Variants in PDE4D observed in about 807,000 individuals in gnomAD.
The protein encoded by PDE4D is phosphodiesterase 4D.
A neutral mutation model predicts 87.4 loss-of-function variants in PDE4D; 24 were observed. That is an observed-to-expected ratio of 0.27 (90% CI 0.20 to 0.39). The LOEUF (loss-of-function observed/expected upper bound fraction) is 0.39. Ranked by LOEUF, PDE4D falls within the 10% of genes least tolerant of loss-of-function variation. The pLI is 1.00. For synonymous variants in PDE4D, 384 were observed against 383.2 expected, an observed-to-expected ratio of 1.00 and a Z score of -0.02; for missense variants, 714 against 1,041.0, an observed-to-expected ratio of 0.69 and a Z score of 4.32.
chr5:59,774,560 G>T (rs111856281), intron 1 of PDE4D, among the ~76,000 whole-genome samples: 83 of 152,008 alleles, frequency 5.5e-4, no homozygotes, highest in East Asian at 2.1e-3. Context: ...GTTATATGGG[G>T]TTTTTTTCCT....
intron 3 of PDE4D, among the ~76,000 whole-genome samples, chr5:59,939,834 C>T (rs939547409): frequency 8.5e-5 from 13 of 152,176 alleles, no homozygotes; most frequent in East Asian, 1.9e-4. Flanking sequence ...ATGGAAGCGA[C>T]GGAAGAATTT....
At chr5:59,262,263 T>TA (rs1322021668) in intron 1 of PDE4D, among the ~76,000 whole-genome samples, 5 of 151,794 alleles carry the variant, frequency 3.3e-5, no homozygotes, top group African/African-American at 1.2e-4. Flanking sequence ...AATAAAGCAA[T>TA]AAAAAATGCA....
At chr5:60,055,311 G>A (rs1303212865) in intron 2 of PDE4D, among the ~76,000 whole-genome samples, 3 of 151,984 alleles carry the variant, frequency 2.0e-5, no homozygotes, top group Non-Finnish European at 4.4e-5. Flanking sequence ...ACTTACATAG[G>A]AGTCTTAGCC....
intron 1 of PDE4D, among the ~76,000 whole-genome samples, chr5:59,684,844 C>A (rs2150376705): frequency 6.6e-6 from 1 of 152,300 alleles, no homozygotes; most frequent in Admixed American, 6.5e-5. Flanking sequence ...TGAGGACTCC[C>A]ATATGCCTTT....
At chr5:59,944,473 C>T (rs774158248) in intron 3 of PDE4D, among the ~76,000 whole-genome samples, 66 of 152,190 alleles carry the variant, frequency 4.3e-4, no homozygotes, top group Non-Finnish European at 6.2e-4. Flanking sequence ...CCGGGGTTGA[C>T]GCCATTCTCC....
chr5:59,081,271 A>G (rs1397222660), intron 5 of PDE4D, among the ~76,000 whole-genome samples: 1 of 152,190 alleles, frequency 6.6e-6, no homozygotes, highest in East Asian at 1.9e-4. Context: ...CAAAACTATT[A>G]AGAGCAGTAA....
At chr5:59,567,115 T>C (rs139803740) in intron 1 of PDE4D, among the ~76,000 whole-genome samples, 15 of 152,332 alleles carry the variant, frequency 9.8e-5, no homozygotes, top group Non-Finnish European at 2.1e-4. Flanking sequence ...ATTGTTTTCC[T>C]TGGGACGTTC....
At chr5:60,415,613 C>T (rs112780521) in intron 1 of PDE4D, among the ~76,000 whole-genome samples, 1 of 152,238 alleles carries the variant, frequency 6.6e-6, no homozygotes, top group Admixed American at 6.5e-5. Context: ...GCAGCTGCTG[C>T]ACTCAATTTC....
At chr5:60,442,876 T>C (rs1014699958) in intron 1 of PDE4D, among the ~76,000 whole-genome samples, 9 of 152,212 alleles carry the variant, frequency 5.9e-5, no homozygotes, top group East Asian at 1.9e-4. Flanking sequence ...TCTATTAATG[T>C]TGAAGCTTTT....
At position 60,282,817 on chromosome 5, in the gene PDE4D, T is replaced by A. The variant is rs1752070605; in HGVS notation, c.-89-97130A>T. Among the ~76,000 whole-genome samples, 4 of 152,356 alleles carry A rather than the reference T, an allele frequency of 2.6e-5. No individual in the cohort carries two copies. In the South Asian group the frequency reaches 8.3e-4, roughly 32 times the overall value. Reference sequence around the variant, plus strand: ...GGAAGCATGATATTTAGTGTCCAGATATCTGGGGACTTCCCAGGCATCTTT... The same window carrying A: ...GGAAGCATGATATTTAGTGTCCAGAAATCTGGGGACTTCCCAGGCATCTTT... On this transcript the variant is annotated intron_variant, in intron 1 of 16. Transcript: ENST00000502484.
chr5:59,292,839 T>G (rs1768305216), intron 1 of PDE4D, among the ~76,000 whole-genome samples: 1 of 152,002 alleles, frequency 6.6e-6, no homozygotes, highest in Admixed American at 6.6e-5. Context: ...ACCCTGGAGG[T>G]GGGATCTGGA....
intron 3 of PDE4D, among the ~76,000 whole-genome samples, chr5:59,966,505 T>G (rs1350990682): frequency 6.6e-6 from 1 of 152,220 alleles, no homozygotes; most frequent in Non-Finnish European, 1.5e-5. Flanking sequence ...CATAATAATT[T>G]AAATGCAAAT....
chr5:58,992,809 T>TAAGTC (rs1748218172), intron 7 of PDE4D, among the ~76,000 whole-genome samples: 1 of 152,196 alleles, frequency 6.6e-6, no homozygotes, highest in Non-Finnish European at 1.5e-5. Context: ...GTTTTGAAAG[T>TAAGTC]AAGTCCAGGA....
At chr5:59,435,510 C>T (rs1009556682) in intron 1 of PDE4D, among the ~76,000 whole-genome samples, 17 of 152,242 alleles carry the variant, frequency 1.1e-4, no homozygotes, top group African/African-American at 3.6e-4. Flanking sequence ...TCCTTTTAAG[C>T]GTAATCTCTT....
chr5:59,487,402 A>G (rs1805348913), intron 1 of PDE4D, among the ~76,000 whole-genome samples: 2 of 152,198 alleles, frequency 1.3e-5, no homozygotes, highest in African/African-American at 4.8e-5. Flanking sequence ...TTAAGAGGAA[A>G]TAAGTAGGTA....
intron 5 of PDE4D, among the ~76,000 whole-genome samples, chr5:59,133,803 T>C (rs888903834): frequency 1.3e-5 from 2 of 152,172 alleles, no homozygotes; most frequent in Non-Finnish European, 2.9e-5. Context: ...ACACGTGAGA[T>C]GGACAAAGGC....
At position 59,406,407 on chromosome 5, in the gene PDE4D, C is replaced by T. The variant is rs866096938; in HGVS notation, c.456-190439G>A. 3.3e-5 allele frequency among the ~76,000 whole-genome samples: 4 copies of T among 119,730 alleles called. 1 individual carries two copies. The highest frequency in any genetic ancestry group is 5.8e-4 in the East Asian group (2 of 3,462). 78.5% of individuals were successfully genotyped at this position (119,730 alleles called of 152,430 possible). A position where few individuals can be genotyped will look rare whatever the true frequency, so the allele number is the denominator to read the frequency against. ...CCTTATCTTTCCTTCCCCCCCCCCC[C>T]CCCCATAGAGTCTTGCTCTGTCATC... is the stretch of plus-strand genomic sequence containing the variant. On this transcript the variant is annotated intron_variant, in intron 1 of 14. Transcript: ENST00000340635.
chr5:60,353,881 C>T (rs1312576703), intron 1 of PDE4D, among the ~76,000 whole-genome samples: 1 of 152,124 alleles, frequency 6.6e-6, no homozygotes, highest in Admixed American at 6.6e-5. Context: ...TTTCCATCTC[C>T]TAGAGCACAT....
chr5:59,778,242 C>T (rs1181769537), intron 1 of PDE4D, among the ~76,000 whole-genome samples: 1 of 152,142 alleles, frequency 6.6e-6, no homozygotes, highest in Non-Finnish European at 1.5e-5. Flanking sequence ...AGATTCACTA[C>T]CACACTATTG....
Sources: gnomAD v4.1 joint callset for allele counts (sites outside exome capture counted in the v4.1 genomes callset) on GRCh38, gnomAD v4.1.1 for gene constraint, MANE v1.5 for transcripts, NCBI Gene and HGNC (gene_info 2026-07-23, HGNC 2026-07-21) for gene names.